Variants in PAX8 observed in about 807,000 individuals in gnomAD.
PAX8 encodes paired box protein Pax-8.
In PAX8, 15 loss-of-function variants were observed where a neutral mutation model predicts 52.4. The observed-to-expected ratio is 0.29, with a 90% CI of 0.19 to 0.44. The LOEUF is 0.44. Ranked by LOEUF, PAX8 falls within the 20% of genes least tolerant of loss-of-function variation. PAX8 has a pLI of 1.00. For synonymous variants in PAX8, 284 were observed against 249.7 expected, an observed-to-expected ratio of 1.14 and a Z score of -1.29; for missense variants, 554 against 602.5, an observed-to-expected ratio of 0.92 and a Z score of 0.84.
chr2:113,270,210 C>T (rs969209129), intron 2 of PAX8: 7 of 152,170 alleles, frequency 4.6e-5, no homozygotes, highest in East Asian at 1.9e-4. Context: ...GGAAATACTA[C>T]GACAATGGGA....
chr2:113,264,288 G>A (rs1490528612), intron 2 of PAX8, among the ~76,000 whole-genome samples: 1 of 152,216 alleles, frequency 6.6e-6, no homozygotes, highest in East Asian at 1.9e-4. Context: ...ATGCCTCTAG[G>A]ACCAGGCAGG....
chr2:113,223,001 C>T (rs944291323), intron 10 of PAX8, among the ~76,000 whole-genome samples: 4 of 151,950 alleles, frequency 2.6e-5, no homozygotes, highest in Admixed American at 2.6e-4. Flanking sequence ...GTTGAAGAAC[C>T]CCAGGCTTGG....
At chr2:113,251,849 A>C (rs1460028247) in intron 2 of PAX8, among the ~76,000 whole-genome samples, 1 of 152,242 alleles carries the variant, frequency 6.6e-6, no homozygotes, top group African/African-American at 2.4e-5. Flanking sequence ...AATTCCTATC[A>C]TAGCACTGAC....
chr2:113,274,751 C>T (rs1693687239), intron 2 of PAX8: 1 of 152,130 alleles, frequency 6.6e-6, no homozygotes, highest in Non-Finnish European at 1.5e-5. Context: ...TTACAATTGG[C>T]TCTTACAAAA....
intron 10 of PAX8, chr2:113,225,943 G>A: frequency 1.0e-6 from 1 of 981,704 alleles, no homozygotes; most frequent in Middle Eastern, 5.2e-4. Context: ...CTCCAGAAGA[G>A]GAAGGGAGGG....
chr2:113,238,058 C>T (rs1017417393), intron 7 of PAX8: 5 of 146,790 alleles, frequency 3.4e-5, no homozygotes, highest in African/African-American at 1.2e-4. Flanking sequence ...GGTGGAGTTG[C>T]TTAGGGCCTT....
Position 113,273,599 on chromosome 2 carries a change from T to G in PAX8, c.25+4771A>C, listed in dbSNP as rs183970437. The G allele has an allele frequency of 7.9e-5, 12 of 152,326 alleles. No homozygotes were observed. In the East Asian group the frequency reaches 1.3e-3, roughly 17 times the overall value. 9.4% of individuals were successfully genotyped at this position (152,326 alleles called of 1,614,324 possible). A position where few individuals can be genotyped will look rare whatever the true frequency, so the allele number is the denominator to read the frequency against. On this transcript the variant is annotated intron_variant, in intron 2 of 11. Transcript: ENST00000429538. Reference sequence around the variant, plus strand: ...ATTTGATATGAATATTTGAGGAACTTTATCTCTGGACAATATATACTTTAA... The same window carrying G: ...ATTTGATATGAATATTTGAGGAACTGTATCTCTGGACAATATATACTTTAA...
At chr2:113,241,865 CAA>C in intron 6 of PAX8, 139 bp from the exon 7 acceptor site, 1 of 1,430,802 alleles carries the variant, frequency 7.0e-7, no homozygotes, top group Non-Finnish European at 9.8e-7. Flanking sequence ...GAGCCTTGGC[CAA>C]CTGAGGGACA....
intron 9 of PAX8, 130 bp from the exon 10 acceptor site, chr2:113,227,386 C>G (rs1689646836): frequency 1.3e-6 from 1 of 743,948 alleles, no homozygotes; most frequent in African/African-American, 1.7e-5. Context: ...AACCCACTTC[C>G]TCCTGCCCCC....
At chr2:113,278,567 C>T (rs978662355) in intron 1 of PAX8, 98 bp from the exon 2 acceptor site, 1 of 1,094,538 alleles carries the variant, frequency 9.1e-7, no homozygotes. Context: ...CCTGCATCGT[C>T]TGCCAGGAGT....
At chr2:113,229,762 C>G (rs1689780710) in intron 9 of PAX8, among the ~76,000 whole-genome samples, 1 of 152,180 alleles carries the variant, frequency 6.6e-6, no homozygotes, top group Non-Finnish European at 1.5e-5. Context: ...CAAACTCAGC[C>G]CCCTTGGCCC....
chr2:113,223,205 TC>T lies in PAX8; in HGVS notation c.1190-3028del, dbSNP rs554938697. Among the ~76,000 whole-genome samples, 98 of 152,124 alleles carry T rather than the reference TC, an allele frequency of 6.4e-4. 1 individual carries two copies. The highest frequency in any genetic ancestry group is 2.3e-3 in the African/African-American group (96 of 41,492). ...TCCACTTGCCATCTACTACATCACT[TC>T]CCCTCCTGGTCTGCCATATATATAC... On this transcript the variant is annotated intron_variant, in intron 10 of 11. Transcript: ENST00000429538.
At chr2:113,240,076 A>G (rs1690689537) in intron 7 of PAX8, 1 of 152,268 alleles carries the variant, frequency 6.6e-6, no homozygotes, top group Admixed American at 6.5e-5. Flanking sequence ...CCAGAGTCTC[A>G]TCAGCAGGGT....
rs761128115 is a variant in PAX8, at chr2:113,244,462, G to A, written c.354C>T (p.Asp118=). 6.2e-7 allele frequency: 1 copy of A among 1,614,070 alleles called. No homozygotes were observed. Among genetic ancestry groups the A allele is most frequent in the East Asian group, 2.2e-5 (1 of 44,884 alleles). Residue 118 remains aspartate, a synonymous_variant, in exon 4 of 12, where the codon GAC becomes GAT. Coordinates refer to ENST00000429538, the MANE Select transcript of PAX8 (RefSeq NM_003466.4). ...AGCTGACACTGGGCACAGTGTCATT[G>A]TCACAGACGCCCTCAGCCAGGAGCC... ...RDRLLAEGVC[D]NDTVPSVSSI... is the part of the protein sequence containing the mutation.
chr2:113,241,205 T>G, intron 7 of PAX8: 4 of 417,408 alleles, frequency 9.6e-6, no homozygotes, highest in African/African-American at 4.1e-5. Context: ...GCTGAGGTCA[T>G]TATGTGAAGG....
chr2:113,236,726 G>A lies in PAX8; in HGVS notation c.778-5C>T. 1.1e-5 allele frequency: 17 copies of A among 1,557,616 alleles called. No homozygotes were observed. The highest frequency in any genetic ancestry group is 1.5e-5 in the Non-Finnish European group (17 of 1,152,092). Reference sequence around the variant, plus strand: ...CAAGGGCAGCGGGTAGAGGCCCTGGGGAGCAAAGAGAAGTCAGCGCACAGA... The same window carrying A: ...CAAGGGCAGCGGGTAGAGGCCCTGGAGAGCAAAGAGAAGTCAGCGCACAGA... On this transcript the variant is annotated splice_polypyrimidine_tract_variant and splice_region_variant and intron_variant, in intron 7 of 11. Transcript: ENST00000429538.
intron 2 of PAX8, chr2:113,269,433 T>G (rs951210866): frequency 1.3e-5 from 2 of 152,268 alleles, no homozygotes; most frequent in African/African-American, 4.8e-5. Context: ...TTCCTACCAC[T>G]GAGTTGTTTT....
At chr2:113,252,846 A>C (rs1052212847) in intron 2 of PAX8, among the ~76,000 whole-genome samples, 2 of 152,220 alleles carry the variant, frequency 1.3e-5, no homozygotes, top group Non-Finnish European at 2.9e-5. Context: ...ATGGAATTAA[A>C]TTAATCTATG....
At chr2:113,242,192 A>G (rs770945739) in intron 5 of PAX8, 62 bp from the exon 6 acceptor site, 29 of 1,492,844 alleles carry the variant, frequency 1.9e-5, no homozygotes, top group Non-Finnish European at 2.4e-5. Flanking sequence ...GCCCTGGGTG[A>G]CTCTGGGGTA....
Sources: allele counts gnomAD v4.1 joint callset (sites outside exome capture counted in the v4.1 genomes callset), GRCh38; gene constraint gnomAD v4.1.1; transcripts MANE v1.5; gene names NCBI Gene and HGNC (gene_info 2026-07-23, HGNC 2026-07-21).